HMCN1: variants seen among roughly 807,000 people sequenced by gnomAD.
The protein encoded by HMCN1 is hemicentin 1, also known as hemicentin-1.
Under a neutral mutation model 625.9 loss-of-function variants are expected in HMCN1, and 321 were observed. The observed-to-expected ratio is 0.51, with a 90% CI of 0.47 to 0.56. The LOEUF is 0.56. Among genes scored for constraint, HMCN1 ranks in the 20% least tolerant of loss-of-function variants. HMCN1 has a pLI of 0.00. For synonymous variants in HMCN1, 2,425 were observed against 2,417.6 expected (o/e 1.00, Z -0.09); for missense variants, 6,588 against 6,887.3 (o/e 0.96, Z 1.54).
intron 61 of HMCN1, 23 bp from the exon 62 acceptor site, chr1:186,088,122 G>T (rs755541690): frequency 1.2e-6 from 2 of 1,600,910 alleles, no homozygotes; most frequent in Admixed American, 1.7e-5. Flanking sequence ...TTTTTTGTTT[G>T]TTTGTTTGTT....
At chr1:186,148,018 C>A (rs1246914447) in intron 93 of HMCN1, among the ~76,000 whole-genome samples, 2 of 152,174 alleles carry the variant, frequency 1.3e-5, no homozygotes, top group Admixed American at 6.5e-5. Flanking sequence ...TAGCACTTTA[C>A]CCACAGTAAA....
rs530498728 is a variant in HMCN1, at chr1:185,873,711, G to A, written c.621+7848G>A. Among the ~76,000 whole-genome samples, 7 of 152,052 alleles carry A rather than the reference G, an allele frequency of 4.6e-5. No individual in the cohort carries two copies. In the South Asian group the frequency reaches 1.5e-3, roughly 32 times the overall value. ...TCACAGAAAATAGAAAAATGCAAAA[G>A]GTTTGTTATTACATCTTTTCTGCAG... On this transcript the variant is annotated intron_variant, in intron 4 of 106. Coordinates refer to ENST00000271588, the MANE Select transcript of HMCN1 (RefSeq NM_031935.3).
chr1:185,838,856 G>A (rs368325837), intron 1 of HMCN1, among the ~76,000 whole-genome samples: 1 of 152,158 alleles, frequency 6.6e-6, no homozygotes, highest in African/African-American at 2.4e-5. Flanking sequence ...ACTCTGCTAA[G>A]TATGTATACT....
At chr1:186,156,121 T>A (rs151046355) in intron 97 of HMCN1, among the ~76,000 whole-genome samples, 1 of 152,070 alleles carries the variant, frequency 6.6e-6, no homozygotes, top group Non-Finnish European at 1.5e-5. Flanking sequence ...ATCTAACTTA[T>A]TTTTAAAATT....
At chr1:186,152,918 T>C (rs1452611190) in intron 96 of HMCN1, 47 bp downstream of exon 96, 2 of 1,609,788 alleles carry the variant, frequency 1.2e-6, no homozygotes, top group Admixed American at 3.3e-5. Flanking sequence ...AGAGTAATGA[T>C]GAGTGAAAGG....
intron 11 of HMCN1, among the ~76,000 whole-genome samples, chr1:185,953,403 C>T (rs1422938195): frequency 6.6e-6 from 1 of 151,826 alleles, no homozygotes; most frequent in Non-Finnish European, 1.5e-5. Context: ...GATTAAACAC[C>T]AGGGGAAGTC....
At chr1:185,869,731 C>A (rs1256421837) in intron 4 of HMCN1, among the ~76,000 whole-genome samples, 1 of 152,070 alleles carries the variant, frequency 6.6e-6, no homozygotes, top group African/African-American at 2.4e-5. Context: ...GTAATTTAGT[C>A]ATTTCTTTTT....
intron 11 of HMCN1, among the ~76,000 whole-genome samples, chr1:185,952,108 T>C (rs1342882318): frequency 6.6e-6 from 1 of 151,826 alleles, no homozygotes; most frequent in Non-Finnish European, 1.5e-5. Context: ...GATTTTTATA[T>C]TTGATGAAAA....
chr1:185,975,372 A>C (rs1255839019), intron 15 of HMCN1, among the ~76,000 whole-genome samples: 2 of 152,140 alleles, frequency 1.3e-5, no homozygotes, highest in African/African-American at 2.4e-5. Context: ...GCAGAAGGCA[A>C]AAGGGAAGCA....
chr1:185,827,242 A>G (rs1660582973), intron 1 of HMCN1, among the ~76,000 whole-genome samples: 1 of 151,834 alleles, frequency 6.6e-6, no homozygotes, highest in African/African-American at 2.4e-5. Context: ...CCAAAAGCTC[A>G]GGAGAAAATA....
At chr1:186,114,763 T>C (rs1002874096) in intron 73 of HMCN1, 56 bp from the exon 74 acceptor site, 3 of 1,604,600 alleles carry the variant, frequency 1.9e-6, no homozygotes, top group South Asian at 2.2e-5. Flanking sequence ...TCAGTCAAAA[T>C]ATGAACAATC....
chr1:185,829,416 AC>A (rs1208480520), intron 1 of HMCN1, among the ~76,000 whole-genome samples: 2 of 150,894 alleles, frequency 1.3e-5, no homozygotes, highest in Admixed American at 1.3e-4. Context: ...CTCACCCCTT[AC>A]CCCCCAACAG....
chr1:185,752,071 G>T (rs937902658), intron 1 of HMCN1, among the ~76,000 whole-genome samples: 9 of 152,010 alleles, frequency 5.9e-5, no homozygotes, highest in Non-Finnish European at 1.3e-4. Flanking sequence ...CTACAGAGGG[G>T]TTTGCATTTG....
chr1:185,848,643 T>C (rs1352563424), intron 2 of HMCN1, among the ~76,000 whole-genome samples: 2 of 152,134 alleles, frequency 1.3e-5, no homozygotes, highest in Non-Finnish European at 2.9e-5. Flanking sequence ...AATTCATGAA[T>C]GTTCTTTTTC....
chr1:185,784,058 G>A (rs147079664), intron 1 of HMCN1, among the ~76,000 whole-genome samples: 4,946 of 152,222 alleles, frequency 0.032, 232 homozygotes, highest in African/African-American at 0.11. Context: ...AATGGCGGTC[G>A]CCCCTCCCCC....
intron 77 of HMCN1, among the ~76,000 whole-genome samples, 163 bp downstream of exon 77, chr1:186,117,786 A>C (rs1661206976): frequency 6.6e-6 from 1 of 152,204 alleles, no homozygotes; most frequent in South Asian, 2.1e-4. Flanking sequence ...TTAACATAGA[A>C]AGGGGTTCTA....
intron 2 of HMCN1, among the ~76,000 whole-genome samples, chr1:185,863,410 A>G (rs1472067438): frequency 1.3e-5 from 2 of 152,208 alleles, no homozygotes; most frequent in Non-Finnish European, 2.9e-5. Flanking sequence ...TATTGCTATC[A>G]GTTTGTCTGT....
chr1:185,952,980 C>G (rs1186670575), intron 11 of HMCN1, among the ~76,000 whole-genome samples: 1 of 149,120 alleles, frequency 6.7e-6, no homozygotes. Flanking sequence ...GATTGGGGCA[C>G]AGGGATAAGA....
At chr1:185,971,991 T>C (rs1308298682) in intron 15 of HMCN1, among the ~76,000 whole-genome samples, 1 of 152,194 alleles carries the variant, frequency 6.6e-6, no homozygotes. Context: ...GCAAGCAAGA[T>C]GTAAAACACA....
Sources: allele counts gnomAD v4.1 joint callset (sites outside exome capture counted in the v4.1 genomes callset), GRCh38; gene constraint gnomAD v4.1.1; transcripts MANE v1.5; gene names NCBI Gene and HGNC (gene_info 2026-07-23, HGNC 2026-07-21).